NEMF: variants seen among roughly 807,000 people sequenced by gnomAD.
NEMF encodes the protein nuclear export mediator factor.
Under a neutral mutation model 162.2 loss-of-function variants are expected in NEMF, and 89 were observed. The ratio of observed to expected loss-of-function variants is 0.55; its 90% CI spans 0.46 to 0.65. The LOEUF (loss-of-function observed/expected upper bound fraction) is 0.65. Among genes scored for constraint, NEMF ranks in the 30% least tolerant of loss-of-function variants. The pLI, the probability that NEMF is intolerant of heterozygous loss-of-function variation, is 0.00. For missense variants in NEMF, 1,133 were observed against 1,261.9 expected, an observed-to-expected ratio of 0.90 and a Z score of 1.55; for synonymous variants, 421 against 404.5, an observed-to-expected ratio of 1.04 and a Z score of -0.49.
At chr14:49,787,483 C>T (rs775551884) in intron 28 of NEMF, among the ~76,000 whole-genome samples, 2 of 152,100 alleles carry the variant, frequency 1.3e-5, no homozygotes, top group Admixed American at 6.5e-5. Context: ...CCCAGGAGTT[C>T]GACACCAGCC....
At chr14:49,799,207 CAAAAAAAAAA>C (rs780442972) in intron 25 of NEMF, among the ~76,000 whole-genome samples, 18 of 59,068 alleles carry the variant, frequency 3.0e-4, no homozygotes, top group African/African-American at 4.2e-4. Context: ...GACCCTGTTT[CAAAAAAAAAA>C]AAAAAAAAAA....
chr14:49,796,761 T>A (rs1469901553), intron 25 of NEMF, among the ~76,000 whole-genome samples: 1 of 152,234 alleles, frequency 6.6e-6, no homozygotes, highest in Non-Finnish European at 1.5e-5. Context: ...CCACTTTTAG[T>A]CCAAATTTAC....
intron 6 of NEMF, among the ~76,000 whole-genome samples, chr14:49,837,599 A>C (rs1388826409): frequency 6.6e-6 from 1 of 152,160 alleles, no homozygotes; most frequent in Non-Finnish European, 1.5e-5. Flanking sequence ...GAAAGTTCTA[A>C]AGATAACTTT....
intron 16 of NEMF, chr14:49,820,507 GC>G: frequency 2.2e-6 from 1 of 456,530 alleles, no homozygotes; most frequent in East Asian, 7.0e-5. Flanking sequence ...GGTGGCTCAT[GC>G]CTATAATCCC....
intron 18 of NEMF, among the ~76,000 whole-genome samples, chr14:49,806,780 A>G (rs1891237310): frequency 6.6e-6 from 1 of 152,368 alleles, no homozygotes; most frequent in Admixed American, 6.5e-5. Flanking sequence ...AAGTTTGAAG[A>G]CTTCCAAAAT....
Position 49,802,524 on chromosome 14 carries a change from A to G in NEMF, c.2024T>C (p.Val675Ala). The change falls in exon 22 of 33, where the codon GTA becomes GCA. Residue 675 changes from valine to alanine, a missense_variant. Coordinates refer to ENST00000298310, the MANE Select transcript of NEMF (RefSeq NM_004713.6). ...WRHQGERKVR[V>A]QDEDMETLAS... ...CAGTGTCTCCATGTCTTCATCCTGT[A>G]CTCTGACTTTTCGTTCACCCTGATG... is the stretch of plus-strand genomic sequence containing the variant. 1 of 1,613,876 alleles carries G rather than the reference A, an allele frequency of 6.2e-7. No individual in the cohort carries two copies. Among genetic ancestry groups the G allele is most frequent in the Non-Finnish European group, 8.5e-7 (1 of 1,179,892 alleles).
At position 49,831,513 on chromosome 14, in the gene NEMF, C is replaced by A; in HGVS notation, c.883-152G>T. ...ACTGCAGTGGCGCGATCTAGGCTCA[C>A]TGCAACTTCCACCTCCGAGGTTCAA... On this transcript the variant is annotated intron_variant, in intron 10 of 32. Coordinates refer to ENST00000298310, the MANE Select transcript of NEMF (RefSeq NM_004713.6). 5 of 586,460 alleles carry A rather than the reference C, an allele frequency of 8.5e-6. No individual in the cohort carries two copies. The South Asian group carries it at 9.8e-5, about 11-fold the overall frequency. The allele number at this position is 586,460 out of a possible 1,614,324, so 36.3% of individuals were successfully genotyped here.
At chr14:49,826,628 GAGGGCCA>G (rs774059340) in intron 15 of NEMF, among the ~76,000 whole-genome samples, 5 of 150,716 alleles carry the variant, frequency 3.3e-5, no homozygotes, top group Non-Finnish European at 5.9e-5. Flanking sequence ...GCAATAGACA[GAGGGCCA>G]AGTCATGAAG....
At chr14:49,841,220 A>C (rs1384806062) in intron 4 of NEMF, among the ~76,000 whole-genome samples, 1 of 147,352 alleles carries the variant, frequency 6.8e-6, no homozygotes, top group Non-Finnish European at 1.5e-5. Context: ...AAAAAAAAGG[A>C]AATAAAAAAA....
At chr14:49,796,809 T>C (rs1394814457) in intron 25 of NEMF, among the ~76,000 whole-genome samples, 1 of 152,216 alleles carries the variant, frequency 6.6e-6, no homozygotes, top group Non-Finnish European at 1.5e-5. Flanking sequence ...ATACACAAAC[T>C]TTCTCTTCCT....
At chr14:49,845,906 C>T in intron 4 of NEMF, 1 of 526,052 alleles carries the variant, frequency 1.9e-6, no homozygotes, top group Non-Finnish European at 3.3e-6. Flanking sequence ...AGATCTTCAT[C>T]TCCTACATTC....
At chr14:49,841,526 AC>A (rs1893208391) in intron 4 of NEMF, among the ~76,000 whole-genome samples, 2 of 147,370 alleles carry the variant, frequency 1.4e-5, no homozygotes, top group Non-Finnish European at 3.0e-5. Flanking sequence ...GTGAGCTGAG[AC>A]TGAGCCATTG....
intron 7 of NEMF, 115 bp downstream of exon 7, chr14:49,834,248 G>T: frequency 1.5e-6 from 1 of 674,830 alleles, no homozygotes; most frequent in Non-Finnish European, 2.6e-6. Context: ...GAGCCAGTGT[G>T]CCTGGTCAAA....
chr14:49,787,484 G>A (rs577905798), intron 28 of NEMF, among the ~76,000 whole-genome samples: 10 of 152,118 alleles, frequency 6.6e-5, no homozygotes, highest in African/African-American at 2.2e-4. Context: ...CCAGGAGTTC[G>A]ACACCAGCCT....
At chr14:49,819,048 T>A (rs975974261) in intron 16 of NEMF, among the ~76,000 whole-genome samples, 1 of 151,908 alleles carries the variant, frequency 6.6e-6, no homozygotes, top group Non-Finnish European at 1.5e-5. Flanking sequence ...GCAACATTTT[T>A]AAAAAAGTGC....
At chr14:49,813,246 C>T (rs530689063) in intron 18 of NEMF, among the ~76,000 whole-genome samples, 5 of 152,258 alleles carry the variant, frequency 3.3e-5, no homozygotes, top group South Asian at 2.1e-4. Flanking sequence ...TTGCTAGAAA[C>T]GTTTTGCAGC....
chr14:49,832,077 A>G lies in NEMF; in HGVS notation c.856T>C (p.Tyr286His), dbSNP rs750460266. The G allele has an allele frequency of 2.5e-6, 4 of 1,607,124 alleles. No homozygotes were observed. Among genetic ancestry groups the G allele is most frequent in the Non-Finnish European group, 2.5e-6 (3 of 1,177,744 alleles). Residue 286 changes from tyrosine (Y) to histidine (H), a missense_variant, in exon 10 of 33, where the codon TAT (tyrosine) becomes CAT (histidine). This residue lies in a region of NEMF where 582 missense variants were observed against 631.5 expected (regional missense o/e 0.92). Transcript: ENST00000298310. ...FLFSQHSQCPYIEFESFDKAV... is the reference protein window; with the variant it reads ...FLFSQHSQCPHIEFESFDKAV... Reference sequence around the variant, plus strand: ...TTGTCAAATGATTCAAATTCTATATATGGACATTGTGAATGTTGAGAAAAC... The same window carrying G: ...TTGTCAAATGATTCAAATTCTATATGTGGACATTGTGAATGTTGAGAAAAC...
chr14:49,790,761 A>G (rs1594724946), intron 26 of NEMF, among the ~76,000 whole-genome samples: 1 of 152,086 alleles, frequency 6.6e-6, no homozygotes. Context: ...AGGTCTGGGT[A>G]GGTGGATCAC....
intron 18 of NEMF, among the ~76,000 whole-genome samples, chr14:49,812,134 G>A (rs924714347): frequency 3.9e-5 from 6 of 151,960 alleles, no homozygotes; most frequent in Non-Finnish European, 5.9e-5. Context: ...TTCTTCTTGA[G>A]TCAGTTTTAG....
Sources: gnomAD v4.1 joint callset for allele counts (sites outside exome capture counted in the v4.1 genomes callset) on GRCh38, gnomAD v4.1.1 for gene constraint, gnomAD v4.1.1 regional missense constraint, MANE v1.5 for transcripts, NCBI Gene and HGNC (gene_info 2026-07-23, HGNC 2026-07-21) for gene names.